Variants in CYP2C19 observed in about 807,000 individuals in gnomAD.
CYP2C19 encodes the protein cytochrome P450 family 2 subfamily C member 19.
CYP2C19 carries 59 observed loss-of-function variants against 40.9 expected under a neutral mutation model. The ratio of observed to expected loss-of-function variants is 1.44; its 90% confidence interval spans 1.17 to 1.79. CYP2C19 has a LOEUF of 1.79. CYP2C19 is among the 40% of genes most tolerant of loss of function. The probability of loss-of-function intolerance (pLI) is 0.00; values close to 1 mark genes in which losing one functional copy is unlikely to be tolerated. For synonymous variants in CYP2C19, 253 were observed against 208.7 expected, an observed-to-expected ratio of 1.21 and a Z score of -1.83; for missense variants, 754 against 596.9, an observed-to-expected ratio of 1.26 and a Z score of -2.74.
chr10:94,821,649 G>C (rs942482162), intron 6 of CYP2C19, among the ~76,000 whole-genome samples: 2 of 152,074 alleles, frequency 1.3e-5, no homozygotes, highest in Non-Finnish European at 2.9e-5. Context: ...AAATTTTAAA[G>C]ACTTTCGGTT....
chr10:94,800,669 T>C (rs890973807), intron 5 of CYP2C19, among the ~76,000 whole-genome samples: 1 of 152,212 alleles, frequency 6.6e-6, no homozygotes, highest in Non-Finnish European at 1.5e-5. Context: ...TGCAGTGGGC[T>C]CCACCCAGTT....
chr10:94,832,647 C>T (rs777121991), intron 6 of CYP2C19, among the ~76,000 whole-genome samples: 1 of 152,048 alleles, frequency 6.6e-6, no homozygotes, highest in Admixed American at 6.5e-5. Context: ...CAGTACCATG[C>T]TGTTTTTGTT....
At chr10:94,774,046 C>A (rs1487917871) in intron 1 of CYP2C19, 1 of 152,138 alleles carries the variant, frequency 6.6e-6, no homozygotes, top group Non-Finnish European at 1.5e-5. Context: ...CATTTACAAA[C>A]CTTTAGCTAG....
chr10:94,785,622 A>T (rs1848530610), intron 5 of CYP2C19, among the ~76,000 whole-genome samples: 1 of 152,186 alleles, frequency 6.6e-6, no homozygotes, highest in African/African-American at 2.4e-5. Flanking sequence ...TTAAGAAGAA[A>T]TTACTTAGGC....
At chr10:94,847,429 A>G (rs930165290) in intron 7 of CYP2C19, among the ~76,000 whole-genome samples, 3 of 152,164 alleles carry the variant, frequency 2.0e-5, no homozygotes, top group African/African-American at 2.4e-5. Flanking sequence ...ATGGCTGTGT[A>G]GTATTCCATG....
At chr10:94,779,854 C>A (rs1271894442) in intron 3 of CYP2C19, among the ~76,000 whole-genome samples, 1 of 152,080 alleles carries the variant, frequency 6.6e-6, no homozygotes, top group Non-Finnish European at 1.5e-5. Context: ...GCCAGTGTGC[C>A]CTATCTAATT....
chr10:94,779,674 C>T (rs1443188113), intron 3 of CYP2C19, among the ~76,000 whole-genome samples: 6 of 151,314 alleles, frequency 4.0e-5, no homozygotes, highest in Non-Finnish European at 8.8e-5. Flanking sequence ...GATTCTCCTG[C>T]CTCAGCCTCC....
At chr10:94,847,364 G>A (rs1038313956) in intron 7 of CYP2C19, among the ~76,000 whole-genome samples, 2 of 152,120 alleles carry the variant, frequency 1.3e-5, no homozygotes, top group African/African-American at 4.8e-5. Flanking sequence ...TGCTGAGAAT[G>A]ATGGTTTCCA....
At chr10:94,843,856 C>A (rs946930047) in intron 7 of CYP2C19, among the ~76,000 whole-genome samples, 3 of 152,096 alleles carry the variant, frequency 2.0e-5, no homozygotes, top group Admixed American at 1.3e-4. Context: ...CTGCAGGAAG[C>A]AGTGGAAGTT....
intron 8 of CYP2C19, among the ~76,000 whole-genome samples, chr10:94,851,488 A>G (rs1413685738): frequency 6.6e-6 from 1 of 150,840 alleles, no homozygotes; most frequent in Non-Finnish European, 1.5e-5. Context: ...ATAAATAAAT[A>G]AATAAGAAAT....
rs964699268 is a variant in CYP2C19, at chr10:94,841,750, C to T, written c.962-1087C>T. On this transcript the variant is annotated intron_variant, in intron 6 of 8. Coordinates refer to ENST00000371321, the MANE Select transcript of CYP2C19 (RefSeq NM_000769.4). ...TTCCTTTTTAATCTCTTCATGGACCCACTGGCCATTCATGAGCATATTGTT... is the reference window on the plus strand; with the variant it reads ...TTCCTTTTTAATCTCTTCATGGACCTACTGGCCATTCATGAGCATATTGTT... 4.7e-4 allele frequency among the ~76,000 whole-genome samples: 71 copies of T among 152,102 alleles called. 2 individuals carry two copies. Among genetic ancestry groups the T allele is most frequent in the Non-Finnish European group, 8.8e-5 (6 of 68,028 alleles).
intron 6 of CYP2C19, among the ~76,000 whole-genome samples, chr10:94,825,169 C>G (rs879332325): frequency 6.9e-6 from 1 of 145,576 alleles, no homozygotes; most frequent in Non-Finnish European, 1.5e-5. Flanking sequence ...TGGGTATATA[C>G]TCAGTAATGG....
chr10:94,768,756 G>A (rs1401347961), intron 1 of CYP2C19, among the ~76,000 whole-genome samples: 3 of 152,106 alleles, frequency 2.0e-5, no homozygotes, highest in African/African-American at 7.2e-5. Flanking sequence ...TGGTTGTGGG[G>A]TTGTTTCACG....
intron 6 of CYP2C19, among the ~76,000 whole-genome samples, chr10:94,839,978 T>C (rs1255688777): frequency 1.3e-5 from 2 of 152,116 alleles, no homozygotes; most frequent in Non-Finnish European, 2.9e-5. Flanking sequence ...AGCTACCTTT[T>C]TGCTTTTTTT....
At chr10:94,852,285 G>A (rs553169674) in intron 8 of CYP2C19, among the ~76,000 whole-genome samples, 14 of 152,188 alleles carry the variant, frequency 9.2e-5, no homozygotes, top group Non-Finnish European at 1.5e-4. Flanking sequence ...AATACTTAGC[G>A]GGAAAAAAAT....
chr10:94,795,829 T>C (rs1265440347), intron 5 of CYP2C19, among the ~76,000 whole-genome samples: 4 of 151,936 alleles, frequency 2.6e-5, no homozygotes, highest in African/African-American at 9.7e-5. Context: ...TTCATATCCT[T>C]CACCCACACT....
intron 5 of CYP2C19, among the ~76,000 whole-genome samples, chr10:94,789,616 TC>T: frequency 6.6e-6 from 1 of 152,150 alleles, no homozygotes; most frequent in Non-Finnish European, 1.5e-5. Context: ...TTCCCCTATT[TC>T]TTTTTTTGTC....
At chr10:94,850,931 C>T (rs541212200) in intron 8 of CYP2C19, among the ~76,000 whole-genome samples, 2 of 152,290 alleles carry the variant, frequency 1.3e-5, no homozygotes, top group East Asian at 3.9e-4. Context: ...AATGTGTGTG[C>T]TGAGCATCTG....
Position 94,828,600 on chromosome 10 carries a change from G to T in CYP2C19, c.961+7963G>T, listed in dbSNP as rs1236728823. ...TTTCCTGAATACAGCACACTGATGGGTCTTGACTCTTTATCCAATTTGCAA... is the reference window on the plus strand; with the variant it reads ...TTTCCTGAATACAGCACACTGATGGTTCTTGACTCTTTATCCAATTTGCAA... On this transcript the variant is annotated intron_variant, in intron 6 of 8. Coordinates refer to ENST00000371321, the MANE Select transcript of CYP2C19 (RefSeq NM_000769.4). Among the ~76,000 whole-genome samples, 4 of 149,110 alleles carry T rather than the reference G, an allele frequency of 2.7e-5. No homozygotes were observed. In the East Asian group the frequency reaches 7.9e-4, roughly 30 times the overall value.
Sources: gnomAD v4.1 joint callset for allele counts (sites outside exome capture counted in the v4.1 genomes callset) on GRCh38, gnomAD v4.1.1 for gene constraint, MANE v1.5 for transcripts, NCBI Gene and HGNC (gene_info 2026-07-23, HGNC 2026-07-21) for gene names.